Variants in OBI1 observed in about 807,000 individuals in gnomAD.
OBI1 encodes the protein ring finger protein 219.
OBI1 carries 59 observed loss-of-function variants against 62.4 expected under a neutral mutation model. The ratio of observed to expected loss-of-function variants is 0.95; its 90% CI spans 0.77 to 1.17. The LOEUF (loss-of-function observed/expected upper bound fraction) is 1.17, where lower values mean the gene tolerates loss of function less well. OBI1 is among the 50% of genes most tolerant of loss of function. OBI1 has a pLI of 0.00. For missense variants in OBI1, 875 were observed against 830.9 expected, an observed-to-expected ratio of 1.05 and a Z score of -0.65; for synonymous variants, 302 against 292.8, an observed-to-expected ratio of 1.03 and a Z score of -0.32.
chr13:78,640,427 A>G (rs1460666806), intron 3 of OBI1, among the ~76,000 whole-genome samples: 15 of 152,082 alleles, frequency 9.9e-5, no homozygotes, highest in Non-Finnish European at 2.1e-4. Context: ...AAACTACATT[A>G]TTTTTATATA....
intron 3 of OBI1, among the ~76,000 whole-genome samples, chr13:78,641,250 TTAC>T (rs1409998017): frequency 2.6e-5 from 4 of 152,212 alleles, no homozygotes; most frequent in African/African-American, 9.6e-5. Context: ...ATAGTACTAC[TTAC>T]TATTTTAAAT....
intron 5 of OBI1, among the ~76,000 whole-genome samples, chr13:78,631,717 T>G (rs958239170): frequency 6.6e-6 from 1 of 152,058 alleles, no homozygotes; most frequent in African/African-American, 2.4e-5. Flanking sequence ...ACAAATGAAT[T>G]TTTGGCAAGG....
At chr13:78,629,363 C>T (rs1875778712) in intron 5 of OBI1, among the ~76,000 whole-genome samples, 1 of 151,976 alleles carries the variant, frequency 6.6e-6, no homozygotes, top group Admixed American at 6.5e-5. Context: ...ATATAAATGA[C>T]CTAATAGTAT....
At chr13:78,656,294 G>C (rs902432860) in intron 1 of OBI1, among the ~76,000 whole-genome samples, 1 of 152,182 alleles carries the variant, frequency 6.6e-6, no homozygotes, top group South Asian at 2.1e-4. Context: ...AAAGAGTTAA[G>C]TAACTTAAGC....
chr13:78,619,969 T>C (rs1004113836), intron 5 of OBI1, among the ~76,000 whole-genome samples: 1 of 152,210 alleles, frequency 6.6e-6, no homozygotes, highest in African/African-American at 2.4e-5. Flanking sequence ...TTACTACATT[T>C]GACTGTTTAC....
chr13:78,646,199 A>G (rs1876376666), intron 1 of OBI1, among the ~76,000 whole-genome samples: 1 of 152,182 alleles, frequency 6.6e-6, no homozygotes, highest in Non-Finnish European at 1.5e-5. Context: ...CACAGCATTT[A>G]TATTACCTGA....
At chr13:78,644,618 T>G (rs1330209676) in intron 2 of OBI1, among the ~76,000 whole-genome samples, 1 of 152,192 alleles carries the variant, frequency 6.6e-6, no homozygotes, top group Non-Finnish European at 1.5e-5. Context: ...GCTGCTTTTC[T>G]TTTGGTTCAG....
intron 5 of OBI1, among the ~76,000 whole-genome samples, chr13:78,628,245 T>C (rs1875737455): frequency 6.6e-6 from 1 of 152,258 alleles, no homozygotes. Flanking sequence ...AAAGGTTAAA[T>C]ATCTTTGTCT....
chr13:78,615,574 A>G lies in OBI1; in HGVS notation c.*6T>C, dbSNP rs1875238519. 3 of 1,578,028 alleles carry G rather than the reference A, an allele frequency of 1.9e-6. No homozygotes were observed. The highest frequency in any genetic ancestry group is 1.7e-6 in the Non-Finnish European group (2 of 1,164,270). ...ACAAAACCACAAATGACACCTTTCTAATGAGTCAACTTTTAGTTGCTTTTG... is the reference window on the plus strand; with the variant it reads ...ACAAAACCACAAATGACACCTTTCTGATGAGTCAACTTTTAGTTGCTTTTG... On this transcript the variant is annotated 3_prime_UTR_variant, in exon 6 of 6. Coordinates refer to ENST00000282003, the MANE Select transcript of OBI1 (RefSeq NM_024546.4).
At chr13:78,645,942 G>A (rs1876368891) in intron 1 of OBI1, among the ~76,000 whole-genome samples, 2 of 152,138 alleles carry the variant, frequency 1.3e-5, no homozygotes, top group South Asian at 2.1e-4. Flanking sequence ...GAGCCACCGC[G>A]CCTGGCCTGT....
intron 2 of OBI1, 112 bp downstream of exon 2, chr13:78,644,750 T>C (rs1876331115): frequency 8.5e-7 from 1 of 1,172,052 alleles, no homozygotes; most frequent in Non-Finnish European, 1.3e-6. Context: ...CTCAGTATTA[T>C]GTTGGCCAAA....
chr13:78,615,434 A>G lies in OBI1; in HGVS notation c.*146T>C. ...AAAATGAACAATAAGTATTCTGGGT[A>G]CAGGTTAATCCACCATCCTGACTTG... On this transcript the variant is annotated 3_prime_UTR_variant, in exon 6 of 6. Transcript: ENST00000282003. 1 of 565,532 alleles carries G rather than the reference A, an allele frequency of 1.8e-6. No individual in the cohort carries two copies. Among genetic ancestry groups the G allele is most frequent in the Non-Finnish European group, 3.1e-6 (1 of 325,096 alleles). 35.0% of individuals were successfully genotyped at this position (565,532 alleles called of 1,614,324 possible).
chr13:78,656,733 G>T (rs1290271599), intron 1 of OBI1, among the ~76,000 whole-genome samples: 1 of 125,986 alleles, frequency 7.9e-6, no homozygotes, highest in African/African-American at 2.9e-5. Flanking sequence ...GGTACCTGGG[G>T]GGGGGGGGGG....
intron 5 of OBI1, among the ~76,000 whole-genome samples, chr13:78,618,449 AACC>A (rs996194320): frequency 1.3e-5 from 2 of 151,916 alleles, no homozygotes; most frequent in African/African-American, 4.8e-5. Context: ...TCTTAGAATC[AACC>A]ACAACATGTT....
chr13:78,636,334 A>G (rs79493978), intron 4 of OBI1, among the ~76,000 whole-genome samples: 1,549 of 152,286 alleles, frequency 0.01, 28 homozygotes, highest in African/African-American at 0.035. Flanking sequence ...CTAGACTAGA[A>G]ACCAACCTCA....
At chr13:78,645,674 G>A (rs768743902) in intron 1 of OBI1, among the ~76,000 whole-genome samples, 8 of 150,626 alleles carry the variant, frequency 5.3e-5, no homozygotes, top group Non-Finnish European at 8.8e-5. Flanking sequence ...TTTTTGAGAC[G>A]GAGTCTCGCT....
intron 1 of OBI1, among the ~76,000 whole-genome samples, chr13:78,656,792 A>ATTTTTTTTTTTTTTTTTTT (rs869148028): frequency 1.5e-5 from 1 of 67,194 alleles, no homozygotes; most frequent in African/African-American, 6.5e-5. Context: ...TTTATTTTTA[A>ATTTTTTTTTTTTTTTTTTT]TTTTTTTTTT....
At chr13:78,636,659 C>A (rs1488948878) in intron 4 of OBI1, among the ~76,000 whole-genome samples, 1 of 152,156 alleles carries the variant, frequency 6.6e-6, no homozygotes, top group Admixed American at 6.5e-5. Context: ...TGAATGCACA[C>A]CAACCAGGAC....
At chr13:78,648,077 G>T (rs946404320) in intron 1 of OBI1, among the ~76,000 whole-genome samples, 1 of 151,744 alleles carries the variant, frequency 6.6e-6, no homozygotes, top group Non-Finnish European at 1.5e-5. Flanking sequence ...AAGTATTCCT[G>T]GTCAGAGTCT....
Sources: allele counts gnomAD v4.1 joint callset (sites outside exome capture counted in the v4.1 genomes callset), GRCh38; gene constraint gnomAD v4.1.1; transcripts MANE v1.5; gene names NCBI Gene and HGNC (gene_info 2026-07-23, HGNC 2026-07-21).